Variants in TSPAN9 observed in about 807,000 individuals in gnomAD.
The protein encoded by TSPAN9 is tetraspanin-9.
Under a neutral mutation model 31.0 loss-of-function variants are expected in TSPAN9, and 16 were observed. The observed-to-expected ratio is 0.52, with a 90% CI of 0.35 to 0.78. The LOEUF is 0.78. Among genes scored for constraint, TSPAN9 ranks in the 30% least tolerant of loss-of-function variants. The pLI is 0.01. For missense variants in TSPAN9, 272 were observed against 312.5 expected, an observed-to-expected ratio of 0.87 and a Z score of 0.98; for synonymous variants, 145 against 121.6, an observed-to-expected ratio of 1.19 and a Z score of -1.27.
At chr12:3,267,037 T>C (rs1249629345) in intron 3 of TSPAN9, among the ~76,000 whole-genome samples, 1 of 152,220 alleles carries the variant, frequency 6.6e-6, no homozygotes, top group Non-Finnish European at 1.5e-5. Flanking sequence ...CGACCTGCCA[T>C]GGGTGGAGCC....
At chr12:3,153,525 A>G (rs1209196768) in intron 2 of TSPAN9, among the ~76,000 whole-genome samples, 1 of 151,628 alleles carries the variant, frequency 6.6e-6, no homozygotes, top group Admixed American at 6.6e-5. Flanking sequence ...ACTATAAGCT[A>G]CATAATCATC....
intron 3 of TSPAN9, among the ~76,000 whole-genome samples, chr12:3,229,191 CACAGGGG>C (rs2098389385): frequency 6.6e-6 from 1 of 152,212 alleles, no homozygotes; most frequent in African/African-American, 2.4e-5. Flanking sequence ...CTACTGTGGG[CACAGGGG>C]ACAGGGGTTG....
chr12:3,223,333 A>G (rs1181702663), intron 3 of TSPAN9, among the ~76,000 whole-genome samples: 4 of 152,160 alleles, frequency 2.6e-5, no homozygotes, highest in African/African-American at 9.7e-5. Flanking sequence ...CTCCTCCAGC[A>G]TGGCCAGCCC....
At chr12:3,174,396 G>A (rs2098353831) in intron 2 of TSPAN9, among the ~76,000 whole-genome samples, 1 of 152,038 alleles carries the variant, frequency 6.6e-6, no homozygotes, top group African/African-American at 2.4e-5. Context: ...AGAGTTTACA[G>A]CTGATGATTT....
chr12:3,255,573 C>T (rs112559202), intron 3 of TSPAN9, among the ~76,000 whole-genome samples: 3,739 of 152,326 alleles, frequency 0.025, 179 homozygotes, highest in African/African-American at 0.087. Context: ...GGGAGGACGG[C>T]ACGGGGGCCT....
In TSPAN9 at chr12:3,209,048, A is replaced by G. The variant is rs976906378; in HGVS notation, c.63+7792A>G. On this transcript the variant is annotated intron_variant, in intron 3 of 8. Transcript: ENST00000011898. The stretch of plus-strand genomic sequence containing the variant: ...TCAGGAGTCCGAGACCAGCCTGGCC[A>G]ACATAGTGAAACCCTGTCTCTACTA... Among the ~76,000 whole-genome samples the G allele has an allele frequency of 2.6e-5, 4 of 152,242 alleles. No individual in the cohort carries two copies. In the East Asian group the frequency reaches 5.8e-4, roughly 22 times the overall value.
chr12:3,215,792 C>T (rs902166028), intron 3 of TSPAN9, among the ~76,000 whole-genome samples: 1 of 152,108 alleles, frequency 6.6e-6, no homozygotes, highest in Non-Finnish European at 1.5e-5. Context: ...CCGGCACAGC[C>T]TGTATCGGAG....
At chr12:3,119,286 G>A (rs534402407) in intron 2 of TSPAN9, among the ~76,000 whole-genome samples, 14 of 152,294 alleles carry the variant, frequency 9.2e-5, no homozygotes, top group African/African-American at 3.1e-4. Context: ...TGCTGCACTA[G>A]ACATCTACTT....
chr12:3,081,555 C>CT (rs927234203), intron 1 of TSPAN9, among the ~76,000 whole-genome samples: 2 of 152,236 alleles, frequency 1.3e-5, no homozygotes, highest in South Asian at 4.1e-4. Context: ...AAATGAACCT[C>CT]TTTTTCCTGG....
chr12:3,084,678 T>TA (rs1194087162), intron 2 of TSPAN9, among the ~76,000 whole-genome samples: 1 of 152,242 alleles, frequency 6.6e-6, no homozygotes, highest in Admixed American at 6.5e-5. Context: ...CAATTTAACT[T>TA]AATCAGATGA....
At chr12:3,188,599 G>A (rs1010924416) in intron 2 of TSPAN9, among the ~76,000 whole-genome samples, 3 of 152,178 alleles carry the variant, frequency 2.0e-5, no homozygotes, top group African/African-American at 7.2e-5. Flanking sequence ...GTGCCCTGGC[G>A]CCTGGCCTGG....
chr12:3,079,126 C>T lies in TSPAN9; in HGVS notation c.-85+1673C>T, dbSNP rs74522727. Reference sequence around the variant, plus strand: ...TCCCGAGTAGCTGGGATTACAGGCGCGTGCCGCCACGCCTTCTAATTTTTG... The same window carrying T: ...TCCCGAGTAGCTGGGATTACAGGCGTGTGCCGCCACGCCTTCTAATTTTTG... On this transcript the variant is annotated intron_variant, in intron 1 of 8. Coordinates refer to ENST00000011898, the MANE Select transcript of TSPAN9 (RefSeq NM_006675.5). Among the ~76,000 whole-genome samples, 618 of 152,154 alleles carry T rather than the reference C, an allele frequency of 4.1e-3. 7 individuals carry two copies. The highest frequency in any genetic ancestry group is 0.014 in the African/African-American group (586 of 41,522).
chr12:3,181,939 ACAGT>A (rs1241172018), intron 2 of TSPAN9, among the ~76,000 whole-genome samples: 1 of 152,124 alleles, frequency 6.6e-6, no homozygotes, highest in African/African-American at 2.4e-5. Context: ...AGGTGTTCCC[ACAGT>A]CAGTGTGTGG....
At chr12:3,118,255 C>CTTTT (rs2098323349) in intron 2 of TSPAN9, among the ~76,000 whole-genome samples, 1 of 20,116 alleles carries the variant, frequency 5.0e-5, no homozygotes, top group African/African-American at 9.7e-5. Flanking sequence ...CTGCACCCGC[C>CTTTT]GTTTTTTTTT....
Position 3,198,774 on chromosome 12 carries a change from AC to A in TSPAN9, c.-17-2401del, listed in dbSNP as rs2098369245. 3.8e-5 allele frequency among the ~76,000 whole-genome samples: 3 copies of A among 79,486 alleles called. 1 individual carries two copies. Among genetic ancestry groups the A allele is most frequent in the African/African-American group, 1.5e-4 (3 of 20,278 alleles). The allele number at this position is 79,486 out of a possible 152,430, so 52.1% of individuals were successfully genotyped here. Reference sequence around the variant, plus strand: ...GCACAGCTCACCACCAGCACAGGCCACCACCAGCACAGGCCACCACCAGCAC... The same window carrying A: ...GCACAGCTCACCACCAGCACAGGCCACACCAGCACAGGCCACCACCAGCAC... On this transcript the variant is annotated intron_variant, in intron 2 of 8. Transcript: ENST00000011898.
At position 3,105,579 on chromosome 12, in the gene TSPAN9, CAG is replaced by C. The variant is rs201537717; in HGVS notation, c.-18+21861_-18+21862del. Among the ~76,000 whole-genome samples, 1,067 of 152,056 alleles carry C rather than the reference CAG, an allele frequency of 7.0e-3. 16 individuals are homozygous for C. The highest frequency in any genetic ancestry group is 6.4e-3 in the Non-Finnish European group (438 of 67,976). On this transcript the variant is annotated intron_variant, in intron 2 of 8. Coordinates refer to ENST00000011898, the MANE Select transcript of TSPAN9 (RefSeq NM_006675.5). The stretch of plus-strand genomic sequence containing the variant: ...GGGAAGAGGCGAGCTGAGCGGGAAA[CAG>C]GGGCTTCTGGATTTGGGGGTGCTTC...
At chr12:3,101,000 C>G (rs1231736613) in intron 2 of TSPAN9, among the ~76,000 whole-genome samples, 2 of 152,076 alleles carry the variant, frequency 1.3e-5, no homozygotes, top group Non-Finnish European at 2.9e-5. Context: ...AGCTTGGGCT[C>G]CCAGGAGCTC....
intron 2 of TSPAN9, chr12:3,124,644 A>C (rs1266669882): frequency 6.6e-6 from 1 of 151,998 alleles, no homozygotes. Flanking sequence ...TCCCAACCTC[A>C]GGTGATCCGC....
chr12:3,095,632 A>ACC (rs750007843), intron 2 of TSPAN9, among the ~76,000 whole-genome samples: 1,313 of 93,850 alleles, frequency 0.014, 61 homozygotes, highest in African/African-American at 0.041. Flanking sequence ...CGGAGGGCTG[A>ACC]CCCCCCCCAC....
Sources: allele counts gnomAD v4.1 joint callset (sites outside exome capture counted in the v4.1 genomes callset), GRCh38; gene constraint gnomAD v4.1.1; transcripts MANE v1.5; gene names NCBI Gene and HGNC (gene_info 2026-07-23, HGNC 2026-07-21).